Variants in CFAP97 observed in about 807,000 individuals in gnomAD.
The protein encoded by CFAP97 is cilia and flagella associated protein 97, also known as cilia- and flagella-associated protein 97.
Under a neutral mutation model 43.1 loss-of-function variants are expected in CFAP97, and 36 were observed. The observed-to-expected ratio is 0.84, with a 90% CI of 0.64 to 1.10. CFAP97 has a LOEUF of 1.10. CFAP97 is among the 50% of genes least tolerant of loss of function. The pLI, the probability that CFAP97 is intolerant of heterozygous loss-of-function variation, is 0.00. For missense variants in CFAP97, 657 were observed against 620.3 expected, an observed-to-expected ratio of 1.06 and a Z score of -0.63; for synonymous variants, 228 against 225.7, an observed-to-expected ratio of 1.01 and a Z score of -0.09.
chr4:185,204,684 A>G (rs1737109049), upstream of CFAP97, among the ~76,000 whole-genome samples: 1 of 152,226 alleles, frequency 6.6e-6, no homozygotes, highest in Non-Finnish European at 1.5e-5. Flanking sequence ...AGGATTATCC[A>G]GTGAACCCCA....
At chr4:185,176,134 C>T (rs1220755486) in intron 2 of CFAP97, 83 bp from the exon 3 acceptor site, 40 of 829,524 alleles carry the variant, frequency 4.8e-5, no homozygotes, top group East Asian at 1.9e-4. Context: ...TCTTTTTAGA[C>T]GGAGTTTCAC....
chr4:185,203,060 G>A (rs1736960539), intron 1 of CFAP97, among the ~76,000 whole-genome samples: 1 of 152,144 alleles, frequency 6.6e-6, no homozygotes, highest in Non-Finnish European at 1.5e-5. Context: ...TTGCCAGGAG[G>A]GGCATGGCTC....
intron 2 of CFAP97, chr4:185,182,551 G>A (rs925074528): frequency 6.6e-6 from 1 of 152,166 alleles, no homozygotes; most frequent in Admixed American, 6.6e-5. Flanking sequence ...AAGTTAGAAT[G>A]GACCCTAGCA....
intron 1 of CFAP97, among the ~76,000 whole-genome samples, chr4:185,198,077 T>C (rs1736637067): frequency 6.6e-6 from 1 of 152,186 alleles, no homozygotes; most frequent in African/African-American, 2.4e-5. Context: ...TTCAATTCTA[T>C]GAAGGCCGAG....
At chr4:185,205,360 A>G (rs1737142838), upstream of CFAP97, among the ~76,000 whole-genome samples, 1 of 152,180 alleles carries the variant, frequency 6.6e-6, no homozygotes, top group Non-Finnish European at 1.5e-5. Context: ...AGGCTGAGAC[A>G]GGAGAATCGC....
At chr4:185,209,984 G>A, upstream of CFAP97, 1 of 983,698 alleles carries the variant, frequency 1.0e-6, no homozygotes, top group Non-Finnish European at 1.2e-6. The surrounding 1 kb of genome is among the most constrained non-coding windows in gnomAD (Gnocchi z 5.2). Context: ...GGGGCCCCGG[G>A]CGGCCGGAGC....
rs1290899355 is a variant in CFAP97 at position 185,160,686 on chromosome 4, T to C, written c.*2112A>G. ...CCTCCCCTTTCAAAGTAGTAAAAAC[T>C]AAAGCATTAAATTAGTACCTAAAAT... On this transcript the variant is annotated 3_prime_UTR_variant, in exon 5 of 5. Transcript: ENST00000458385. The C allele has an allele frequency of 2.0e-5, 3 of 151,766 alleles. No individual in the cohort carries two copies. Among genetic ancestry groups the C allele is most frequent in the African/African-American group, 7.3e-5 (3 of 41,370 alleles). 9.4% of individuals were successfully genotyped at this position (151,766 alleles called of 1,614,324 possible).
At chr4:185,189,759 C>T (rs964750799) in intron 2 of CFAP97, among the ~76,000 whole-genome samples, 8 of 152,116 alleles carry the variant, frequency 5.3e-5, no homozygotes, top group Non-Finnish European at 7.3e-5. Context: ...GATATGAGGA[C>T]GCCACATCAG....
intron 3 of CFAP97, among the ~76,000 whole-genome samples, chr4:185,165,642 C>A (rs1470765515): frequency 6.6e-6 from 1 of 152,182 alleles, no homozygotes; most frequent in South Asian, 2.1e-4. Flanking sequence ...AAATCAGACT[C>A]ATGAATTCAG....
chr4:185,173,662 A>T (rs1735398871), intron 3 of CFAP97, among the ~76,000 whole-genome samples: 1 of 152,228 alleles, frequency 6.6e-6, no homozygotes. Context: ...GTACAGTTCT[A>T]CTCATATGAA....
intron 1 of CFAP97, among the ~76,000 whole-genome samples, chr4:185,198,174 G>A (rs1736643996): frequency 6.6e-6 from 1 of 152,188 alleles, no homozygotes; most frequent in Non-Finnish European, 1.5e-5. Flanking sequence ...CGGGTGTGGT[G>A]GCTCACGCCT....
upstream of CFAP97, chr4:185,209,817 A>T: frequency 1.0e-6 from 1 of 983,490 alleles, no homozygotes; most frequent in Non-Finnish European, 1.2e-6. The surrounding 1 kb of genome is among the most constrained non-coding windows in gnomAD (Gnocchi z 5.2). Flanking sequence ...TTAGCGGCCC[A>T]GGAAGCAGCA....
chr4:185,196,966 G>A (rs554488636), intron 1 of CFAP97, among the ~76,000 whole-genome samples: 23 of 152,046 alleles, frequency 1.5e-4, no homozygotes, highest in African/African-American at 5.3e-4. Flanking sequence ...GGGTGTGGTG[G>A]CAGGCGCCTG....
chr4:185,186,684 C>G (rs895544759), intron 2 of CFAP97, among the ~76,000 whole-genome samples: 2 of 152,008 alleles, frequency 1.3e-5, no homozygotes, highest in Admixed American at 6.6e-5. Flanking sequence ...GGATATACAC[C>G]TTTTTCATGA....
At chr4:185,176,585 A>T (rs1735554002) in intron 2 of CFAP97, among the ~76,000 whole-genome samples, 1 of 152,208 alleles carries the variant, frequency 6.6e-6, no homozygotes, top group Admixed American at 6.5e-5. Context: ...AAACAATGAA[A>T]GTATCTTTAA....
upstream of CFAP97, chr4:185,209,621 TG>T: frequency 1.8e-6 from 1 of 542,260 alleles, no homozygotes; most frequent in Non-Finnish European, 2.4e-6. This position sits in a 1 kb window ranked among gnomAD's most constrained non-coding sequence, Gnocchi z 5.2. Flanking sequence ...TGGGGCTCCC[TG>T]GCTGCGCCCG....
intron 1 of CFAP97, among the ~76,000 whole-genome samples, chr4:185,193,519 G>A (rs77383302): frequency 1.4e-4 from 22 of 152,084 alleles, no homozygotes; most frequent in African/African-American, 5.3e-4. Context: ...GGTAGTGTGC[G>A]CCTGTAATCC....
chr4:185,190,899 A>G lies in CFAP97; in HGVS notation c.298T>C (p.Ser100Pro). ...GTTGTAACATCACACAATTTTTTTG[A>G]TCTTGAAGAGGCTGGCAATGAGAAA... ...SSFSLPASSR[S>P]KKLCDVTTGL... The change falls in exon 2 of 5, where the codon TCA becomes CCA. Residue 100 changes from serine to proline, a missense_variant. Ser to Pro is a moderately conservative substitution (Grantham distance 74, BLOSUM62 -1). Coordinates refer to ENST00000458385, the MANE Select transcript of CFAP97 (RefSeq NM_020827.3). The G allele has an allele frequency of 6.2e-7, 1 of 1,613,370 alleles. No homozygotes were observed. Among genetic ancestry groups the G allele is most frequent in the Non-Finnish European group, 8.5e-7 (1 of 1,179,602 alleles).
At chr4:185,193,443 G>A (rs1349046033) in intron 1 of CFAP97, among the ~76,000 whole-genome samples, 1 of 152,006 alleles carries the variant, frequency 6.6e-6, no homozygotes, top group Admixed American at 6.6e-5. Context: ...TCAGGAGTTC[G>A]AGACTACTCT....
Sources: gnomAD v4.1 joint callset for allele counts (sites outside exome capture counted in the v4.1 genomes callset) on GRCh38, gnomAD v4.1.1 for gene constraint, Gnocchi (gnomAD v3.1) non-coding constraint, MANE v1.5 for transcripts, NCBI Gene and HGNC (gene_info 2026-07-23, HGNC 2026-07-21) for gene names.